The following PLCG2 variants were observed in gnomAD, a reference collection of about 807,000 sequenced individuals.
PLCG2 encodes phospholipase C gamma 2, also known as 1-phosphatidylinositol 4,5-bisphosphate phosphodiesterase gamma-2.
PLCG2 carries 69 observed loss-of-function variants against 175.6 expected under a neutral mutation model. The observed-to-expected ratio is 0.39, with a 90% confidence interval of 0.32 to 0.48. The LOEUF (loss-of-function observed/expected upper bound fraction) is 0.48, where lower values mean the gene tolerates loss of function less well. PLCG2 is among the 20% of genes least tolerant of loss of function. The pLI is 0.91. For missense variants in PLCG2, 1,798 were observed against 1,650.9 expected (o/e 1.09, Z -1.54); for synonymous variants, 827 against 624.0 (o/e 1.33, Z -4.85).
intron 12 of PLCG2, chr16:81,895,589 C>A: frequency 2.1e-6 from 1 of 479,966 alleles, no homozygotes; most frequent in Non-Finnish European, 3.7e-6. Context: ...AAAAAAGCAG[C>A]ATTGAAACTA....
At chr16:81,880,789 T>C in intron 7 of PLCG2, 121 bp from the exon 8 acceptor site, 1 of 850,540 alleles carries the variant, frequency 1.2e-6, no homozygotes. Flanking sequence ...ACTAAAATGA[T>C]ATTTTTAATG....
At chr16:81,887,543 A>G (rs1239835574) in intron 9 of PLCG2, among the ~76,000 whole-genome samples, 2 of 152,330 alleles carry the variant, frequency 1.3e-5, no homozygotes, top group African/African-American at 4.8e-5. Context: ...CCCCTGATCC[A>G]GGCATATTTG....
intron 19 of PLCG2, among the ~76,000 whole-genome samples, chr16:81,914,802 G>T (rs556180632): frequency 1.3e-5 from 2 of 152,254 alleles, no homozygotes; most frequent in Admixed American, 1.3e-4. Context: ...GTGAATGCTG[G>T]CTCAGTGAAT....
intron 1 of PLCG2, among the ~76,000 whole-genome samples, chr16:81,781,989 AGCCTCACGAGTAGCTGGGATTACAG>A (rs2143155970): frequency 6.6e-6 from 1 of 151,408 alleles, no homozygotes; most frequent in African/African-American, 2.4e-5. Context: ...CTCCTGCCTC[AGCCTCACGAGTAGCTGGGATTACAG>A]GCATGTGCCA....
intron 11 of PLCG2, 53 bp from the exon 12 acceptor site, chr16:81,893,656 C>G: frequency 2.7e-6 from 3 of 1,126,860 alleles, no homozygotes; most frequent in Non-Finnish European, 4.0e-6. Flanking sequence ...AGGCTTGCCC[C>G]CCAACCCCTG....
At chr16:81,856,133 A>G (rs1656507655) in intron 3 of PLCG2, among the ~76,000 whole-genome samples, 1 of 152,200 alleles carries the variant, frequency 6.6e-6, no homozygotes, top group African/African-American at 2.4e-5. Flanking sequence ...TTCACATTCC[A>G]TCTTCTCACT....
At chr16:81,835,874 G>T (rs943963938) in intron 2 of PLCG2, among the ~76,000 whole-genome samples, 1 of 151,978 alleles carries the variant, frequency 6.6e-6, no homozygotes, top group African/African-American at 2.4e-5. Context: ...GTGGATATTG[G>T]CACTCCCATC....
chr16:81,788,557 C>A (rs1567464580), intron 2 of PLCG2, among the ~76,000 whole-genome samples: 1 of 152,130 alleles, frequency 6.6e-6, no homozygotes, highest in East Asian at 1.9e-4. Flanking sequence ...AAGAGGTTGC[C>A]CCCACTGTCT....
rs142900383 is a variant in PLCG2, at chr16:81,804,921, A to G, written c.193+18739A>G. Among the ~76,000 whole-genome samples, 604 of 152,328 alleles carry G rather than the reference A, an allele frequency of 4.0e-3. 5 individuals are homozygous for G. The highest frequency in any genetic ancestry group is 0.014 in the African/African-American group (580 of 41,568). On this transcript the variant is annotated intron_variant, in intron 2 of 32. Transcript: ENST00000564138. ...ATTGTGCTGGGCACTACAAGCTCACATGTATCCATGTGATCATGTGTATGG... is the reference window on the plus strand; with the variant it reads ...ATTGTGCTGGGCACTACAAGCTCACGTGTATCCATGTGATCATGTGTATGG...
rs770349960 is a variant in PLCG2 at position 81,931,586 on chromosome 16, G to A, written c.2671G>A (p.Asp891Asn). Residue 891 changes from aspartate to asparagine, a missense_variant, in exon 25 of 33, where the codon GAC (aspartate) becomes AAC (asparagine). Transcript: ENST00000564138. ...QGDPPVEFATDRVEELFEWFQ... is the reference protein window; with the variant it reads ...QGDPPVEFATNRVEELFEWFQ... ...CGATCCTCCGGTGGAGTTTGCCACA[G>A]ACAGGGTGGAGGAGCTCTTTGAGTG... The A allele has an allele frequency of 3.7e-5, 60 of 1,614,020 alleles. No homozygotes were observed. Among genetic ancestry groups the A allele is most frequent in the Non-Finnish European group, 5.0e-5 (59 of 1,180,018 alleles).
At chr16:81,784,300 G>A (rs1219566006) in intron 1 of PLCG2, among the ~76,000 whole-genome samples, 1 of 152,174 alleles carries the variant, frequency 6.6e-6, no homozygotes, top group Non-Finnish European at 1.5e-5. Flanking sequence ...TTCCCCAATG[G>A]CTGATTAATG....
chr16:81,953,687 C>T (rs377139581), intron 31 of PLCG2, among the ~76,000 whole-genome samples: 1 of 152,244 alleles, frequency 6.6e-6, no homozygotes, highest in Non-Finnish European at 1.5e-5. Flanking sequence ...AGTGGTGGTT[C>T]CTCAAGTCAA....
intron 2 of PLCG2, among the ~76,000 whole-genome samples, chr16:81,805,767 G>GTTTTTTTTTTTTTTTTT (rs766609754): frequency 5.1e-5 from 2 of 39,516 alleles, no homozygotes; most frequent in African/African-American, 2.4e-4. Context: ...GTTTTGTTTT[G>GTTTTTTTTTTTTTTTTT]TTTTTTTTTT....
Position 81,912,602 on chromosome 16 carries a change from A to C in PLCG2, c.1940A>C (p.Tyr647Ser), listed in dbSNP as rs751244429. 46 of 1,612,910 alleles carry C rather than the reference A, an allele frequency of 2.9e-5. No homozygotes were observed. The East Asian group carries it at 1.0e-3, about 35-fold the overall frequency. Reference protein sequence around the residue: ...NPNPHESKPWYYDSLSRGEAE... With the variant: ...NPNPHESKPWSYDSLSRGEAE... ...TCCCTGGCCCTGTGCCGCAGGTGGT[A>C]CTATGACAGCCTGAGCCGCGGAGAG... is the stretch of plus-strand genomic sequence containing the variant. The change falls in exon 19 of 33, where the codon TAC becomes TCC. Residue 647 changes from tyrosine to serine, a missense_variant. Physicochemically the swap from Tyr to Ser is moderately radical, Grantham distance 144. Coordinates refer to ENST00000564138, the MANE Select transcript of PLCG2 (RefSeq NM_002661.5).
At chr16:81,797,171 T>G (rs982451059) in intron 2 of PLCG2, among the ~76,000 whole-genome samples, 1 of 152,134 alleles carries the variant, frequency 6.6e-6, no homozygotes, top group African/African-American at 2.4e-5. Flanking sequence ...GTTCTGGGAA[T>G]GCAGGTATAT....
intron 2 of PLCG2, among the ~76,000 whole-genome samples, chr16:81,834,162 G>T (rs1905391578): frequency 6.6e-6 from 1 of 152,192 alleles, no homozygotes; most frequent in Admixed American, 6.5e-5. Flanking sequence ...ATCTTCCTGG[G>T]CTGTCTCTGG....
Position 81,935,873 on chromosome 16 carries a change from C to T in PLCG2, c.2843-296C>T, listed in dbSNP as rs543483627. 5.6e-5 allele frequency: 55 copies of T among 985,174 alleles called. No homozygotes were observed. The African/African-American group carries it at 9.6e-4, about 17-fold the overall frequency. 61.0% of individuals were successfully genotyped at this position (985,174 alleles called of 1,614,324 possible). The stretch of plus-strand genomic sequence containing the variant: ...CATTCTCCCTCTTCTATAACTGTAC[C>T]ACTTTTGTGTTTTCTTGTTCAAGGA... On this transcript the variant is annotated intron_variant, in intron 26 of 32. Coordinates refer to ENST00000564138, the MANE Select transcript of PLCG2 (RefSeq NM_002661.5).
intron 3 of PLCG2, chr16:81,857,923 C>G (rs954496872): frequency 3.9e-6 from 1 of 257,536 alleles, no homozygotes; most frequent in Non-Finnish European, 7.7e-6. Context: ...AGAACAATGT[C>G]TAGTATATAT....
chr16:81,936,017 A>G, intron 26 of PLCG2, 152 bp from the exon 27 acceptor site: 1 of 1,448,274 alleles, frequency 6.9e-7, no homozygotes. Context: ...CAGTGATACC[A>G]ATTGGGACAA....
Sources: allele counts gnomAD v4.1 joint callset (sites outside exome capture counted in the v4.1 genomes callset), GRCh38; gene constraint gnomAD v4.1.1; transcripts MANE v1.5; gene names NCBI Gene and HGNC (gene_info 2026-07-23, HGNC 2026-07-21).